SYT16: variants seen among roughly 807,000 people sequenced by gnomAD.
SYT16 encodes synaptotagmin-16.
Under a neutral mutation model 61.4 loss-of-function variants are expected in SYT16, and 42 were observed. The observed-to-expected ratio is 0.68, with a 90% CI of 0.53 to 0.89. The LOEUF is 0.89. Among genes scored for constraint, SYT16 ranks in the 40% least tolerant of loss-of-function variants. The pLI is 0.00. For missense variants in SYT16, 804 were observed against 807.3 expected (o/e 1.00, Z 0.05); for synonymous variants, 314 against 302.3 (o/e 1.04, Z -0.40).
chr14:62,064,054 G>A (rs1466673455), intron 3 of SYT16, among the ~76,000 whole-genome samples: 1 of 152,088 alleles, frequency 6.6e-6, no homozygotes, highest in Non-Finnish European at 1.5e-5. Context: ...TGTCACATTA[G>A]CAAGTTAATT....
intron 1 of SYT16, among the ~76,000 whole-genome samples, chr14:61,891,242 G>GCGCACACA (rs1555353030): frequency 3.9e-4 from 57 of 147,896 alleles, no homozygotes; most frequent in African/African-American, 5.0e-4. Flanking sequence ...ACACACACGC[G>GCGCACACA]CACACACACA....
intron 1 of SYT16, among the ~76,000 whole-genome samples, chr14:61,952,636 G>T (rs1430206998): frequency 1.3e-5 from 2 of 152,138 alleles, no homozygotes; most frequent in African/African-American, 2.4e-5. Context: ...TTATATTAAA[G>T]ATAGCACCCC....
intron 2 of SYT16, among the ~76,000 whole-genome samples, chr14:61,980,738 G>A (rs1469884706): frequency 4.6e-5 from 7 of 152,074 alleles, no homozygotes; most frequent in Non-Finnish European, 8.8e-5. Flanking sequence ...AAAACCAAAC[G>A]TAAAGAGGCA....
chr14:61,860,374 T>G (rs1324863635), intron 1 of SYT16, among the ~76,000 whole-genome samples: 2 of 152,214 alleles, frequency 1.3e-5, no homozygotes, highest in Non-Finnish European at 2.9e-5. Context: ...ACTGATTGTC[T>G]TTCATTCCTT....
At chr14:61,911,326 G>A (rs2021428) in intron 1 of SYT16, among the ~76,000 whole-genome samples, 138,303 of 152,110 alleles carry the variant, frequency 0.91, 63,007 homozygotes, top group East Asian at 0.98. Context: ...TTTAATGTTT[G>A]GCCCTGATTT....
At chr14:62,020,399 G>A (rs910501231) in intron 3 of SYT16, among the ~76,000 whole-genome samples, 3 of 151,792 alleles carry the variant, frequency 2.0e-5, no homozygotes, top group Non-Finnish European at 4.4e-5. Flanking sequence ...TGATCCTACC[G>A]CATACACCTC....
chr14:61,886,587 A>C (rs957890748), intron 1 of SYT16, among the ~76,000 whole-genome samples: 9 of 152,208 alleles, frequency 5.9e-5, no homozygotes, highest in African/African-American at 2.2e-4. Flanking sequence ...GTTTGACCAT[A>C]AGATTGCATC....
chr14:61,849,889 A>C (rs1348253319), intron 1 of SYT16, among the ~76,000 whole-genome samples: 1 of 152,150 alleles, frequency 6.6e-6, no homozygotes, highest in Non-Finnish European at 1.5e-5. Context: ...TCTATTGGCC[A>C]TCTTGTGCTG....
intron 3 of SYT16, among the ~76,000 whole-genome samples, chr14:62,015,735 C>G (rs971008506): frequency 4.4e-4 from 67 of 152,194 alleles, no homozygotes; most frequent in African/African-American, 1.6e-3. Flanking sequence ...GACTCTGTCT[C>G]AGAAGTTGGC....
At chr14:62,020,692 C>T (rs1471157439) in intron 3 of SYT16, among the ~76,000 whole-genome samples, 14 of 152,158 alleles carry the variant, frequency 9.2e-5, no homozygotes, top group African/African-American at 2.7e-4. Context: ...GGAATCTCGG[C>T]GAAGCTTAGC....
At chr14:61,847,610 G>T (rs1246758007) in intron 1 of SYT16, among the ~76,000 whole-genome samples, 1 of 151,942 alleles carries the variant, frequency 6.6e-6, no homozygotes, top group African/African-American at 2.4e-5. Flanking sequence ...TCTAGGTTTG[G>T]GAAGTTCTCT....
chr14:61,931,511 A>C (rs2049766425), intron 1 of SYT16, among the ~76,000 whole-genome samples: 1 of 152,198 alleles, frequency 6.6e-6, no homozygotes, highest in African/African-American at 2.4e-5. Flanking sequence ...AGTTATTCAT[A>C]TGCCTACATC....
At position 61,996,324 on chromosome 14, in the gene SYT16, C is replaced by CTA; in HGVS notation, c.305_306insTA (p.Gln103ThrfsTer65). On this transcript the variant is annotated frameshift_variant, in exon 3 of 8. Coordinates refer to ENST00000683842, the MANE Select transcript of SYT16 (RefSeq NM_001367656.1). LOFTEE classifies it high-confidence loss of function. ...TGTAATAGTGATTTGCAGGACTCTG[C>CTA]CCAAAATTCAAGCCCAAGCCTTAGC... 1.2e-6 allele frequency: 2 copies of CTA among 1,613,380 alleles called. No homozygotes were observed. Among genetic ancestry groups the CTA allele is most frequent in the Non-Finnish European group, 1.7e-6 (2 of 1,179,504 alleles).
In SYT16 at chr14:62,075,200, C is replaced by T. The variant is rs370529985; in HGVS notation, c.802C>T (p.Pro268Ser). ...CTCCTACGGTGAAGATGACCACATC[C>T]CTGCTCACTCACAGTCCCCATGTGA... ...NLSYGEDDHI[P>S]AHSQSPCERG... Residue 268 changes from proline (P) to serine (S), a missense_variant, in exon 5 of 8, where the codon CCT becomes TCT. Coordinates refer to ENST00000683842, the MANE Select transcript of SYT16 (RefSeq NM_001367656.1). 1 of 1,613,304 alleles carries T rather than the reference C, an allele frequency of 6.2e-7. No individual in the cohort carries two copies. Among genetic ancestry groups the T allele is most frequent in the East Asian group, 2.2e-5 (1 of 44,856 alleles).
chr14:61,967,557 C>T (rs1365438646), intron 1 of SYT16, among the ~76,000 whole-genome samples: 6 of 152,228 alleles, frequency 3.9e-5, no homozygotes, highest in Non-Finnish European at 7.4e-5. Context: ...GTCCTTAACT[C>T]GAGGTTTTGT....
rs562634204 is a variant in SYT16, at chr14:62,061,747, G to C, written c.524-7856G>C. On this transcript the variant is annotated intron_variant, in intron 3 of 7. Coordinates refer to ENST00000683842, the MANE Select transcript of SYT16 (RefSeq NM_001367656.1). ...ATTAAGGGCTTCAAAATACATGGAGGAAGACGTAACAAACTAAAAGGGGAA... is the reference window on the plus strand; with the variant it reads ...ATTAAGGGCTTCAAAATACATGGAGCAAGACGTAACAAACTAAAAGGGGAA... 2.0e-5 allele frequency among the ~76,000 whole-genome samples: 3 copies of C among 152,086 alleles called. No homozygotes were observed. The South Asian group carries it at 6.2e-4, about 32-fold the overall frequency.
In SYT16 at chr14:61,832,047, A is replaced by T. The variant is rs1594714548; in HGVS notation, c.-325+19237A>T. ...GAACGCCGTGAAGCCAAGGAAGAAC[A>T]TGGCAGCGCCCACAACCGTCTTCCA... On this transcript the variant is annotated intron_variant, in intron 1 of 7. Transcript: ENST00000683842. 1.7e-5 allele frequency: 12 copies of T among 708,312 alleles called. No homozygotes were observed. The East Asian group carries it at 2.9e-4, about 17-fold the overall frequency. The allele number at this position is 708,312 out of a possible 1,614,324, so 43.9% of individuals were successfully genotyped here. A position where few individuals can be genotyped will look rare whatever the true frequency, so the allele number is the denominator to read the frequency against.
intron 1 of SYT16, among the ~76,000 whole-genome samples, chr14:61,825,294 C>T (rs1307650387): frequency 6.6e-6 from 1 of 152,172 alleles, no homozygotes; most frequent in Admixed American, 6.5e-5. Flanking sequence ...TGTAGTAAGT[C>T]TTCACTTAAT....
chr14:61,859,889 T>A (rs945653812), intron 1 of SYT16, among the ~76,000 whole-genome samples: 1 of 152,148 alleles, frequency 6.6e-6, no homozygotes, highest in Non-Finnish European at 1.5e-5. Flanking sequence ...AAGGTTGAAA[T>A]AATTTTATAA....
Sources: allele counts gnomAD v4.1 joint callset (sites outside exome capture counted in the v4.1 genomes callset), GRCh38; gene constraint gnomAD v4.1.1; transcripts MANE v1.5; gene names NCBI Gene and HGNC (gene_info 2026-07-23, HGNC 2026-07-21).